Variants in BNC2 observed in about 807,000 individuals in gnomAD.
BNC2 encodes the protein basonuclin zinc finger protein 2, also known as zinc finger protein basonuclin-2.
Under a neutral mutation model 76.3 loss-of-function variants are expected in BNC2, and 20 were observed. The ratio of observed to expected loss-of-function variants is 0.26; its 90% CI spans 0.18 to 0.38. The LOEUF (loss-of-function observed/expected upper bound fraction) is 0.38. Among genes scored for constraint, BNC2 ranks in the 10% least tolerant of loss-of-function variants. The pLI is 1.00. For missense variants in BNC2, 1,382 were observed against 1,399.8 expected, an observed-to-expected ratio of 0.99 and a Z score of 0.20; for synonymous variants, 582 against 514.8, an observed-to-expected ratio of 1.13 and a Z score of -1.77.
At chr9:16,547,117 A>G (rs554992694) in intron 5 of BNC2, among the ~76,000 whole-genome samples, 6 of 152,358 alleles carry the variant, frequency 3.9e-5, no homozygotes, top group African/African-American at 9.6e-5. Flanking sequence ...GGCAACATCT[A>G]TAAGAGGATG....
chr9:16,483,382 C>T (rs543160297), intron 5 of BNC2, among the ~76,000 whole-genome samples: 5 of 152,122 alleles, frequency 3.3e-5, no homozygotes, highest in Non-Finnish European at 7.3e-5. Flanking sequence ...CTTCAAGACA[C>T]AAGATTCAAA....
intron 5 of BNC2, among the ~76,000 whole-genome samples, chr9:16,441,889 G>C (rs1307502446): frequency 2.6e-5 from 4 of 152,108 alleles, no homozygotes; most frequent in Non-Finnish European, 4.4e-5. Flanking sequence ...TATTATCGTG[G>C]AATAAACACT....
intron 1 of BNC2, among the ~76,000 whole-genome samples, chr9:16,808,870 G>A (rs968936782): frequency 6.6e-6 from 1 of 152,034 alleles, no homozygotes; most frequent in South Asian, 2.1e-4. Context: ...GCTGGTGACT[G>A]GGACAGGAAA....
intron 3 of BNC2, among the ~76,000 whole-genome samples, chr9:16,666,388 T>G (rs1822292203): frequency 6.6e-6 from 1 of 152,334 alleles, no homozygotes; most frequent in East Asian, 1.9e-4. Flanking sequence ...ATTTGGTTTT[T>G]CTCAACATCA....
intron 5 of BNC2, among the ~76,000 whole-genome samples, chr9:16,440,784 T>G (rs573707271): frequency 2.6e-5 from 4 of 152,350 alleles, no homozygotes; most frequent in South Asian, 4.1e-4. Flanking sequence ...TCTGCTAAAA[T>G]GGAGTCTGTT....
intron 1 of BNC2, among the ~76,000 whole-genome samples, chr9:16,810,062 C>G (rs1427346055): frequency 6.6e-6 from 1 of 152,136 alleles, no homozygotes; most frequent in East Asian, 1.9e-4. Context: ...TGCCCCCTGC[C>G]TACTGACCCA....
At chr9:16,766,766 T>C (rs994408783) in intron 1 of BNC2, among the ~76,000 whole-genome samples, 3 of 152,182 alleles carry the variant, frequency 2.0e-5, no homozygotes, top group Non-Finnish European at 4.4e-5. Context: ...TGGCCAGAAA[T>C]AAGTGAAATG....
rs571160237 is a variant in BNC2, at chr9:16,832,224, T to G, written c.3+38422A>C. ...AGTCTTCAAAGGAAAAATATGAAAC[T>G]ATTACATGTAGTTAAATACCAGTAG... On this transcript the variant is annotated intron_variant, in intron 1 of 6. Coordinates refer to ENST00000380672, the MANE Select transcript of BNC2 (RefSeq NM_017637.6). 12 of 1,191,760 alleles carry G rather than the reference T, an allele frequency of 1.0e-5. No homozygotes were observed. The East Asian group carries it at 7.0e-4, about 69-fold the overall frequency. The allele number at this position is 1,191,760 out of a possible 1,614,324, so 73.8% of individuals were successfully genotyped here.
chr9:16,567,794 G>A (rs113019069), intron 4 of BNC2, among the ~76,000 whole-genome samples: 2 of 152,164 alleles, frequency 1.3e-5, no homozygotes, highest in Non-Finnish European at 1.5e-5. Context: ...CTGAGGTCCA[G>A]TGGAGTCCAT....
chr9:16,489,035 T>G (rs556632750), intron 5 of BNC2, among the ~76,000 whole-genome samples: 1 of 152,188 alleles, frequency 6.6e-6, no homozygotes, highest in Non-Finnish European at 1.5e-5. Context: ...TCTAAGTCAG[T>G]GTTGTCAAAC....
At chr9:16,530,898 G>A (rs558465485) in intron 5 of BNC2, among the ~76,000 whole-genome samples, 3 of 152,224 alleles carry the variant, frequency 2.0e-5, no homozygotes, top group South Asian at 2.1e-4. Context: ...CAGGGCTCAC[G>A]GTGCCTGATA....
At chr9:16,541,091 G>A (rs900565646) in intron 5 of BNC2, among the ~76,000 whole-genome samples, 2 of 152,182 alleles carry the variant, frequency 1.3e-5, no homozygotes, top group African/African-American at 4.8e-5. Flanking sequence ...AGGTGCCCTA[G>A]GTCTGGCAGG....
chr9:16,835,383 T>C (rs2136052189), intron 1 of BNC2, among the ~76,000 whole-genome samples: 1 of 152,280 alleles, frequency 6.6e-6, no homozygotes, highest in African/African-American at 2.4e-5. Flanking sequence ...GAAGGAAACC[T>C]CACTGCATTT....
At chr9:16,435,420 C>T in intron 6 of BNC2, 135 bp downstream of exon 6, 2 of 1,085,006 alleles carry the variant, frequency 1.8e-6, no homozygotes, top group Non-Finnish European at 2.8e-6. Context: ...GCCTAGTTAT[C>T]ACATGATCAC....
chr9:16,637,349 G>T (rs1218942997), intron 3 of BNC2, among the ~76,000 whole-genome samples: 1 of 152,202 alleles, frequency 6.6e-6, no homozygotes, highest in Non-Finnish European at 1.5e-5. Context: ...GAGATGCAGT[G>T]AGAGATTCAG....
intron 5 of BNC2, among the ~76,000 whole-genome samples, chr9:16,525,050 TGACA>T (rs993898761): frequency 1.3e-4 from 17 of 133,962 alleles, no homozygotes; most frequent in African/African-American, 4.0e-4. Context: ...TCCAGCTGGG[TGACA>T]GACAGAGACC....
At chr9:16,605,819 C>T (rs1820368653) in intron 3 of BNC2, among the ~76,000 whole-genome samples, 1 of 145,794 alleles carries the variant, frequency 6.9e-6, no homozygotes, top group Admixed American at 6.8e-5. Flanking sequence ...GACATGGTCC[C>T]GTTCTGTCAC....
chr9:16,589,432 C>T (rs1297607363), intron 3 of BNC2, among the ~76,000 whole-genome samples: 1 of 152,054 alleles, frequency 6.6e-6, no homozygotes, highest in African/African-American at 2.4e-5. Context: ...GCGATTTGCC[C>T]GCCTCAGCCT....
At chr9:16,512,902 G>A (rs998359160) in intron 5 of BNC2, among the ~76,000 whole-genome samples, 7 of 148,594 alleles carry the variant, frequency 4.7e-5, no homozygotes, top group African/African-American at 1.5e-4. Context: ...TTGGGAGGCT[G>A]AGGGGGGAAG....
Sources: gnomAD v4.1 joint callset for allele counts (sites outside exome capture counted in the v4.1 genomes callset) on GRCh38, gnomAD v4.1.1 for gene constraint, MANE v1.5 for transcripts, NCBI Gene and HGNC (gene_info 2026-07-23, HGNC 2026-07-21) for gene names.